Variants in LRRC9 observed in about 807,000 individuals in gnomAD.
The protein encoded by LRRC9 is leucine-rich repeat-containing protein 9.
Under a neutral mutation model 63.2 loss-of-function variants are expected in LRRC9, and 122 were observed. The observed-to-expected ratio is 1.93, with a 90% CI of 1.67 to 2.24. The LOEUF is 2.24. Ranked by LOEUF, LRRC9 falls within the 30% of genes most tolerant of loss-of-function variation. LRRC9 has a pLI of 0.00. For missense variants in LRRC9, 1,071 were observed against 627.7 expected (o/e 1.71, Z -7.55); for synonymous variants, 366 against 213.1 (o/e 1.72, Z -6.25).
At position 59,985,984 on chromosome 14, in the gene LRRC9, A is replaced by C. The variant is rs952765575; in HGVS notation, c.2211+760A>C. ...CACTCTTCTTTCTTTCTTTCTCATG[A>C]ATCCCTATTTCTTTTTCATTTTGTA... is the stretch of plus-strand genomic sequence containing the variant. On this transcript the variant is annotated intron_variant, in intron 17 of 31. Coordinates refer to ENST00000445360, the Ensembl canonical transcript of LRRC9. 4.6e-5 allele frequency among the ~76,000 whole-genome samples: 7 copies of C among 151,562 alleles called. No individual in the cohort carries two copies. The South Asian group carries it at 6.3e-4, about 14-fold the overall frequency.
chr14:60,045,516 C>T (rs1042456711), intron 29 of LRRC9, among the ~76,000 whole-genome samples: 5 of 152,128 alleles, frequency 3.3e-5, no homozygotes, highest in African/African-American at 1.2e-4. Context: ...TAAATGAAAA[C>T]ATGTGGTGTT....
At chr14:60,065,116 T>TCACATCTGTAATCC (rs1894853208), downstream of LRRC9, among the ~76,000 whole-genome samples, 1 of 152,142 alleles carries the variant, frequency 6.6e-6, no homozygotes, top group Non-Finnish European at 1.5e-5. Flanking sequence ...GCGCAGTGGC[T>TCACATCTGTAATCC]CACATCTGTA....
chr14:60,045,884 CCCA>C (rs751668020), intron 29 of LRRC9, among the ~76,000 whole-genome samples: 3 of 152,168 alleles, frequency 2.0e-5, no homozygotes, highest in South Asian at 2.1e-4. Context: ...AATTTACACA[CCCA>C]CCAAGAGTGT....
At chr14:59,995,412 T>G (rs1462646347) in intron 17 of LRRC9, among the ~76,000 whole-genome samples, 1 of 152,206 alleles carries the variant, frequency 6.6e-6, no homozygotes, top group African/African-American at 2.4e-5. Context: ...ATATCTTATC[T>G]TTCTGAATGA....
At chr14:59,968,416 T>G (rs1594895133) in intron 12 of LRRC9, among the ~76,000 whole-genome samples, 1 of 152,192 alleles carries the variant, frequency 6.6e-6, no homozygotes, top group East Asian at 1.9e-4. Context: ...GGAAAATGGC[T>G]AAAATGGTAC....
chr14:60,063,270 C>A, intron 31 of LRRC9, 53 bp from the exon 33 acceptor site: 1 of 686,748 alleles, frequency 1.5e-6, no homozygotes, highest in South Asian at 1.6e-5. Flanking sequence ...TTAGCTGATC[C>A]ATTACAAAAT....
At chr14:59,954,857 G>C (rs766447001) in intron 8 of LRRC9, among the ~76,000 whole-genome samples, 1 of 152,124 alleles carries the variant, frequency 6.6e-6, no homozygotes, top group Non-Finnish European at 1.5e-5. Flanking sequence ...TAACATGAAG[G>C]GCTGTTGAAT....
intron 17 of LRRC9, among the ~76,000 whole-genome samples, chr14:59,993,806 C>A (rs1346657898): frequency 2.0e-5 from 3 of 152,224 alleles, no homozygotes; most frequent in African/African-American, 4.8e-5. Flanking sequence ...CACCCAGATT[C>A]ATAAAGCAAG....
intron 17 of LRRC9, among the ~76,000 whole-genome samples, chr14:59,987,224 T>C (rs1182125598): frequency 6.6e-6 from 1 of 151,802 alleles, no homozygotes; most frequent in South Asian, 2.1e-4. Context: ...CTTCCTGGAT[T>C]TTTTCCTGAT....
At chr14:60,045,922 T>C (rs1893385274) in intron 29 of LRRC9, among the ~76,000 whole-genome samples, 1 of 152,164 alleles carries the variant, frequency 6.6e-6, no homozygotes, top group Non-Finnish European at 1.5e-5. Flanking sequence ...CTCTGCAATC[T>C]CACCAGCATG....
At chr14:59,933,376 A>G (rs1480670596) in intron 6 of LRRC9, among the ~76,000 whole-genome samples, 1 of 152,210 alleles carries the variant, frequency 6.6e-6, no homozygotes, top group Non-Finnish European at 1.5e-5. Flanking sequence ...GTAAATCTCA[A>G]TAAACATTTG....
rs746827730 is a variant in LRRC9 at position 60,001,979 on chromosome 14, G to A, written c.2543G>A (p.Arg848Gln). 79 of 679,836 alleles carry A rather than the reference G, an allele frequency of 1.2e-4. 1 individual carries two copies. Among genetic ancestry groups the A allele is most frequent in the South Asian group, 3.6e-4 (23 of 63,048 alleles). 42.1% of individuals were successfully genotyped at this position (679,836 alleles called of 1,614,324 possible). The change falls in exon 20 of 32, where the codon CGG becomes CAG. Residue 848 changes from arginine (R) to glutamine (Q), a missense_variant. Coordinates refer to ENST00000445360, the Ensembl canonical transcript of LRRC9. ...AAATTTTATTAGTTATCTCTCTTAC[G>A]GCATTCTAGTACTAAAGAGGAGAGA...
chr14:60,004,354 A>T lies in LRRC9; in HGVS notation c.2842+556A>T, dbSNP rs909313696. On this transcript the variant is annotated intron_variant, in intron 21 of 31. Coordinates refer to ENST00000445360, the Ensembl canonical transcript of LRRC9. The surrounding 1 kb of genome is among the most constrained non-coding windows in gnomAD (Gnocchi z 4.8). ...TTATATTTGGAAATTTGAATACTTT[A>T]ACAAGAAATGAAAATTATACTCACT... 6.6e-6 allele frequency among the ~76,000 whole-genome samples: 1 copy of T among 152,168 alleles called. No homozygotes were observed. Among genetic ancestry groups the T allele is most frequent in the African/African-American group, 2.4e-5 (1 of 41,468 alleles).
intron 19 of LRRC9, among the ~76,000 whole-genome samples, chr14:60,000,598 T>C (rs1355956799): frequency 6.6e-6 from 1 of 152,080 alleles, no homozygotes; most frequent in East Asian, 1.9e-4. Context: ...GAGCTGCCTT[T>C]GTAGATCAGG....
intron 29 of LRRC9, among the ~76,000 whole-genome samples, chr14:60,039,256 A>G (rs1435104791): frequency 1.3e-5 from 2 of 152,100 alleles, no homozygotes; most frequent in African/African-American, 4.8e-5. Flanking sequence ...AGGCTTTCGT[A>G]TCGGGATGAT....
intron 29 of LRRC9, among the ~76,000 whole-genome samples, chr14:60,039,836 G>A (rs905347682): frequency 1.1e-4 from 17 of 151,924 alleles, no homozygotes; most frequent in African/African-American, 1.9e-4. Context: ...TGCTTCTCTC[G>A]TTCTTTTAAT....
chr14:60,008,774 TAA>T (rs1890019324), intron 23 of LRRC9, among the ~76,000 whole-genome samples: 1 of 152,142 alleles, frequency 6.6e-6, no homozygotes, highest in Non-Finnish European at 1.5e-5. Flanking sequence ...GACAAATGTG[TAA>T]AGAGTAAAAG....
At chr14:60,038,197 C>T (rs375980226) in intron 29 of LRRC9, among the ~76,000 whole-genome samples, 29 of 152,130 alleles carry the variant, frequency 1.9e-4, no homozygotes, top group African/African-American at 4.1e-4. Context: ...AGTCAGGTAG[C>T]GTGATGCCTC....
Position 59,990,058 on chromosome 14 carries a change from GA to G in LRRC9, c.2211+4835del, listed in dbSNP as rs1887907456. 6.6e-6 allele frequency among the ~76,000 whole-genome samples: 1 copy of G among 151,712 alleles called. No individual in the cohort carries two copies. The highest frequency in any genetic ancestry group is 2.4e-5 in the African/African-American group (1 of 41,276). ...TTCTCCTGCCTTGGCCTCCCGACTA[GA>G]TGGGATTACAGGTGCACACCACCAC... is the stretch of plus-strand genomic sequence containing the variant. On this transcript the variant is annotated intron_variant, in intron 17 of 31. Coordinates refer to ENST00000445360, the Ensembl canonical transcript of LRRC9. This position sits in a 1 kb window ranked among gnomAD's most constrained non-coding sequence, Gnocchi z 4.2.
Sources: gnomAD v4.1 joint callset for allele counts (sites outside exome capture counted in the v4.1 genomes callset) on GRCh38, gnomAD v4.1.1 for gene constraint, Gnocchi (gnomAD v3.1) non-coding constraint, MANE v1.5 for transcripts, NCBI Gene and HGNC (gene_info 2026-07-23, HGNC 2026-07-21) for gene names.